CFAP58: variants seen among roughly 807,000 people sequenced by gnomAD.
The protein encoded by CFAP58 is cilia and flagella associated protein 58.
A neutral mutation model predicts 119.5 loss-of-function variants in CFAP58; 88 were observed. The ratio of observed to expected loss-of-function variants is 0.74; its 90% CI spans 0.62 to 0.88. The LOEUF (loss-of-function observed/expected upper bound fraction) is 0.88. CFAP58 is among the 40% of genes least tolerant of loss of function. The probability of loss-of-function intolerance (pLI) is 0.00; values close to 1 mark genes in which losing one functional copy is unlikely to be tolerated. For missense variants in CFAP58, 990 were observed against 1,021.2 expected (o/e 0.97, Z 0.42); for synonymous variants, 365 against 366.3 (o/e 1.00, Z 0.04).
intron 15 of CFAP58, among the ~76,000 whole-genome samples, chr10:104,432,885 T>A (rs1365802038): frequency 6.6e-6 from 1 of 152,204 alleles, no homozygotes; most frequent in Non-Finnish European, 1.5e-5. Context: ...ATTAAAGGCT[T>A]TATAATATAA....
intron 13 of CFAP58, among the ~76,000 whole-genome samples, chr10:104,401,786 T>G (rs548011576): frequency 6.6e-6 from 1 of 152,262 alleles, no homozygotes; most frequent in South Asian, 2.1e-4. Flanking sequence ...GAGTTGCTTG[T>G]ATTTCAGATG....
chr10:104,391,078 T>G (rs1386670876), intron 9 of CFAP58, among the ~76,000 whole-genome samples: 1 of 152,192 alleles, frequency 6.6e-6, no homozygotes, highest in Admixed American at 6.5e-5. Context: ...ATTTATGTAT[T>G]TTCTGGGATG....
At chr10:104,425,685 A>G (rs1361258479) in intron 15 of CFAP58, among the ~76,000 whole-genome samples, 1 of 152,158 alleles carries the variant, frequency 6.6e-6, no homozygotes, top group Non-Finnish European at 1.5e-5. Context: ...TCGGGGCCCA[A>G]ACCCGTGCAG....
chr10:104,342,341 G>T, the CFAP58 span, among the ~76,000 whole-genome samples: 3 of 152,048 alleles, frequency 2.0e-5, no homozygotes, highest in African/African-American at 7.2e-5. Flanking sequence ...GTTTTGATTT[G>T]CAGTTTTTAA....
Position 104,438,334 on chromosome 10 carries a change from G to GT in CFAP58, c.2257-9358dup, listed in dbSNP as rs1564904693. Among the ~76,000 whole-genome samples the GT allele has an allele frequency of 6.3e-5, 7 of 111,406 alleles. 1 individual carries two copies. The highest frequency in any genetic ancestry group is 2.6e-4 in the East Asian group (1 of 3,874). 73.1% of individuals were successfully genotyped at this position (111,406 alleles called of 152,430 possible). A position where few individuals can be genotyped will look rare whatever the true frequency, so the allele number is the denominator to read the frequency against. ...CAATGGGAATTTTTATTGTTTTTTTGTTTTTTGTTTTTTGTTTTTTTTTTT... is the reference window on the plus strand; with the variant it reads ...CAATGGGAATTTTTATTGTTTTTTTGTTTTTTTGTTTTTTGTTTTTTTTTTT... On this transcript the variant is annotated intron_variant, in intron 15 of 17. Coordinates refer to ENST00000369704, the MANE Select transcript of CFAP58 (RefSeq NM_001008723.2).
intron 9 of CFAP58, among the ~76,000 whole-genome samples, chr10:104,391,381 C>G (rs1287898652): frequency 1.3e-5 from 2 of 152,094 alleles, no homozygotes; most frequent in Non-Finnish European, 2.9e-5. Context: ...AAGGGAACAC[C>G]AAGAAACACA....
intron 5 of CFAP58, 68 bp downstream of exon 5, chr10:104,366,076 T>G: frequency 7.5e-7 from 1 of 1,340,008 alleles, no homozygotes; most frequent in South Asian, 1.7e-5. Context: ...TTCACCCTTT[T>G]GTGCATTTTG....
chr10:104,357,800 T>TAC (rs201796960), intron 1 of CFAP58, among the ~76,000 whole-genome samples: 3 of 141,986 alleles, frequency 2.1e-5, no homozygotes, highest in East Asian at 3.9e-4. Context: ...TACATATATA[T>TAC]ACACACATAT....
chr10:104,357,058 T>C (rs900909904), intron 1 of CFAP58, among the ~76,000 whole-genome samples: 1 of 152,248 alleles, frequency 6.6e-6, no homozygotes, highest in African/African-American at 2.4e-5. Flanking sequence ...TGAGCTCATC[T>C]TAACTTATTA....
chr10:104,411,769 T>C lies in CFAP58; in HGVS notation c.2256+4976T>C, dbSNP rs1241718656. Among the ~76,000 whole-genome samples the C allele has an allele frequency of 2.0e-5, 3 of 152,142 alleles. No individual in the cohort carries two copies. The East Asian group carries it at 5.8e-4, about 29-fold the overall frequency. The stretch of plus-strand genomic sequence containing the variant: ...ATTCTTAGGGAAGCAACTTTTTTTT[T>C]TTTCCCCCACCCAGAGCCCAGGAGA... On this transcript the variant is annotated intron_variant, in intron 15 of 17. Coordinates refer to ENST00000369704, the MANE Select transcript of CFAP58 (RefSeq NM_001008723.2).
chr10:104,360,242 G>A (rs1267712359), intron 2 of CFAP58, among the ~76,000 whole-genome samples: 1 of 152,208 alleles, frequency 6.6e-6, no homozygotes, highest in African/African-American at 2.4e-5. Context: ...CAAAGCTGTT[G>A]TGTATTAGTT....
intron 3 of CFAP58, among the ~76,000 whole-genome samples, chr10:104,362,778 T>G (rs1238110616): frequency 1.3e-5 from 2 of 152,178 alleles, no homozygotes; most frequent in Non-Finnish European, 2.9e-5. Context: ...TGCTACCAAA[T>G]TTAGGCTCCT....
At chr10:104,432,186 T>C (rs1398602280) in intron 15 of CFAP58, among the ~76,000 whole-genome samples, 1 of 152,076 alleles carries the variant, frequency 6.6e-6, no homozygotes, top group Non-Finnish European at 1.5e-5. Context: ...TAAAAAGCAT[T>C]TCAAAGGTGG....
chr10:104,374,625 T>C (rs1198334005), intron 7 of CFAP58, among the ~76,000 whole-genome samples: 1 of 151,914 alleles, frequency 6.6e-6, no homozygotes, highest in Non-Finnish European at 1.5e-5. Flanking sequence ...AATTAAATAC[T>C]GACATATTGG....
intron 15 of CFAP58, among the ~76,000 whole-genome samples, chr10:104,436,659 G>A (rs2012940244): frequency 6.6e-6 from 1 of 152,082 alleles, no homozygotes; most frequent in Non-Finnish European, 1.5e-5. Flanking sequence ...CCACCACCAG[G>A]ACCCAAGCAC....
At chr10:104,399,832 G>A (rs540187918) in intron 12 of CFAP58, among the ~76,000 whole-genome samples, 1 of 152,034 alleles carries the variant, frequency 6.6e-6, no homozygotes, top group South Asian at 2.1e-4. Context: ...TCTTGACTGG[G>A]TGTTCACATG....
In CFAP58 at chr10:104,400,723, G is replaced by T. The variant is rs181614354; in HGVS notation, c.1859G>T (p.Arg620Leu). ...ATCCTGGGGTCTCAGCTTGTTCGGCGCAATGATGAGTTAGCTTTGCTCTAT... is the reference window on the plus strand; with the variant it reads ...ATCCTGGGGTCTCAGCTTGTTCGGCTCAATGATGAGTTAGCTTTGCTCTAT... ...RDILGSQLVR[R>L]NDELALLYEK... The change falls in exon 13 of 18, where the codon CGC (arginine) becomes CTC (leucine). Residue 620 changes from arginine to leucine, a missense_variant. By Grantham distance (102) the Arg-to-Leu change is moderately radical (BLOSUM62 -2). Coordinates refer to ENST00000369704, the MANE Select transcript of CFAP58 (RefSeq NM_001008723.2). 8.7e-6 allele frequency: 14 copies of T among 1,614,064 alleles called. No homozygotes were observed. Among genetic ancestry groups the T allele is most frequent in the Non-Finnish European group, 1.2e-5 (14 of 1,180,012 alleles).
rs2011684262 is a variant in CFAP58, at chr10:104,377,022, C to T, written c.1173+129C>T. On this transcript the variant is annotated intron_variant, in intron 8 of 17. Transcript: ENST00000369704. ...AAGTGGATTAGAATAAATAATAGTG[C>T]TTAATTTTCCTCTAAGCAGCTGCCT... is the stretch of plus-strand genomic sequence containing the variant. 5 of 622,120 alleles carry T rather than the reference C, an allele frequency of 8.0e-6. No individual in the cohort carries two copies. The South Asian group carries it at 1.1e-4, about 14-fold the overall frequency. The allele number at this position is 622,120 out of a possible 1,614,324, so 38.5% of individuals were successfully genotyped here.
chr10:104,451,617 A>G (rs915459575), intron 17 of CFAP58, among the ~76,000 whole-genome samples: 1 of 152,208 alleles, frequency 6.6e-6, no homozygotes, highest in African/African-American at 2.4e-5. Context: ...GAGTGGAAAC[A>G]CTGTATTTTT....
Sources: gnomAD v4.1 joint callset for allele counts (sites outside exome capture counted in the v4.1 genomes callset) on GRCh38, gnomAD v4.1.1 for gene constraint, MANE v1.5 for transcripts, NCBI Gene and HGNC (gene_info 2026-07-23, HGNC 2026-07-21) for gene names.